The following CSMD1 variants were observed in gnomAD, a reference collection of about 807,000 sequenced individuals.
CSMD1 encodes the protein CUB and sushi domain-containing protein 1.
In CSMD1, 213 loss-of-function variants were observed where a neutral mutation model predicts 417.5. The ratio of observed to expected loss-of-function variants is 0.51; its 90% CI spans 0.46 to 0.57. The LOEUF (loss-of-function observed/expected upper bound fraction) is 0.57. Among genes scored for constraint, CSMD1 ranks in the 20% least tolerant of loss-of-function variants. CSMD1 has a pLI of 0.00. For missense variants in CSMD1, 6,923 were observed against 4,529.7 expected (o/e 1.53, Z -15.17); for synonymous variants, 2,862 against 1,736.8 (o/e 1.65, Z -16.11).
chr8:4,917,381 C>A (rs751284826), intron 1 of CSMD1, among the ~76,000 whole-genome samples: 1 of 152,158 alleles, frequency 6.6e-6, no homozygotes, highest in African/African-American at 2.4e-5. Flanking sequence ...ACGCCTGTAA[C>A]CCCAGCACTT....
At chr8:4,001,935 T>C (rs1409181400) in intron 4 of CSMD1, among the ~76,000 whole-genome samples, 2 of 152,210 alleles carry the variant, frequency 1.3e-5, no homozygotes, top group South Asian at 2.1e-4. Context: ...ATTGCATTTC[T>C]TCAGTAGATA....
At chr8:4,726,997 C>T (rs183179411) in intron 1 of CSMD1, among the ~76,000 whole-genome samples, 295 of 152,162 alleles carry the variant, frequency 1.9e-3, no homozygotes, top group African/African-American at 6.9e-3. Flanking sequence ...AATGAGACCC[C>T]TATATGTCAT....
At chr8:3,453,072 C>T (rs777393444) in intron 12 of CSMD1, among the ~76,000 whole-genome samples, 4 of 152,106 alleles carry the variant, frequency 2.6e-5, no homozygotes, top group Non-Finnish European at 5.9e-5. Context: ...AGGAATTTAT[C>T]CATTTCTTCT....
At chr8:4,327,656 C>T (rs1392432161) in intron 3 of CSMD1, among the ~76,000 whole-genome samples, 1 of 152,162 alleles carries the variant, frequency 6.6e-6, no homozygotes, top group African/African-American at 2.4e-5. Flanking sequence ...CAACAAAAAG[C>T]TCCACGATGC....
At chr8:4,488,227 T>G (rs1801513990) in intron 2 of CSMD1, among the ~76,000 whole-genome samples, 1 of 152,194 alleles carries the variant, frequency 6.6e-6, no homozygotes, top group Admixed American at 6.6e-5. Flanking sequence ...AATGGTATTT[T>G]GTTACAGCAG....
intron 11 of CSMD1, among the ~76,000 whole-genome samples, chr8:3,476,513 C>A (rs191066780): frequency 1.3e-5 from 2 of 152,114 alleles, no homozygotes; most frequent in African/African-American, 2.4e-5. Context: ...AACTACCAAC[C>A]TATCTTCCAG....
At chr8:2,990,552 TA>T (rs1333148361) in intron 54 of CSMD1, among the ~76,000 whole-genome samples, 1 of 152,204 alleles carries the variant, frequency 6.6e-6, no homozygotes, top group African/African-American at 2.4e-5. Context: ...ATCGACTTGC[TA>T]ATTTTCAAGC....
chr8:3,428,052 A>G (rs1813969864), intron 12 of CSMD1, among the ~76,000 whole-genome samples: 1 of 152,258 alleles, frequency 6.6e-6, no homozygotes, highest in African/African-American at 2.4e-5. Context: ...CGTTGCGTCT[A>G]CCATTACTTA....
intron 5 of CSMD1, among the ~76,000 whole-genome samples, chr8:3,929,549 G>A (rs1158096699): frequency 6.6e-6 from 1 of 150,504 alleles, no homozygotes; most frequent in Non-Finnish European, 1.5e-5. Context: ...TGGGTTGTCT[G>A]TCTATTCTGA....
chr8:4,679,625 A>G (rs1428094995), intron 1 of CSMD1, among the ~76,000 whole-genome samples: 1 of 152,168 alleles, frequency 6.6e-6, no homozygotes, highest in African/African-American at 2.4e-5. Flanking sequence ...ATGATAATGT[A>G]TCTACAAAAG....
chr8:2,957,874 C>G (rs1803132510), intron 62 of CSMD1, 67 bp from the exon 63 acceptor site: 1 of 1,078,288 alleles, frequency 9.3e-7, no homozygotes, highest in Non-Finnish European at 1.4e-6. Context: ...CTAGTGATAC[C>G]TGAAAGTACA....
chr8:4,782,535 G>A (rs1409599407), intron 1 of CSMD1, among the ~76,000 whole-genome samples: 2 of 152,094 alleles, frequency 1.3e-5, no homozygotes, highest in Admixed American at 1.3e-4. Flanking sequence ...CCATAAATAT[G>A]CTCTAAGACA....
At chr8:3,640,124 G>C (rs1308372876) in intron 7 of CSMD1, among the ~76,000 whole-genome samples, 1 of 152,076 alleles carries the variant, frequency 6.6e-6, no homozygotes, top group South Asian at 2.1e-4. Context: ...TTTTCCACCT[G>C]TCCCACTTTT....
At chr8:4,009,070 A>AT (rs1221188145) in intron 4 of CSMD1, among the ~76,000 whole-genome samples, 3 of 152,234 alleles carry the variant, frequency 2.0e-5, no homozygotes, top group African/African-American at 7.2e-5. Flanking sequence ...TTATCATAAA[A>AT]TTCTGCATTT....
chr8:4,420,580 A>G (rs940020956), intron 2 of CSMD1, among the ~76,000 whole-genome samples: 1 of 152,130 alleles, frequency 6.6e-6, no homozygotes, highest in Non-Finnish European at 1.5e-5. Flanking sequence ...GAATGTGTGT[A>G]TAAACATTTG....
intron 2 of CSMD1, among the ~76,000 whole-genome samples, chr8:4,551,454 C>T (rs1014166625): frequency 9.9e-5 from 15 of 152,124 alleles, no homozygotes; most frequent in Non-Finnish European, 1.8e-4. Context: ...TCATTCTTCA[C>T]GAAGGATTTG....
At chr8:4,022,133 C>T (rs958478199) in intron 4 of CSMD1, among the ~76,000 whole-genome samples, 32 of 124,746 alleles carry the variant, frequency 2.6e-4, no homozygotes, top group Admixed American at 1.1e-3. Flanking sequence ...TATATATATA[C>T]ATAAATATGT....
chr8:4,293,278 A>T (rs1797473764), intron 3 of CSMD1, among the ~76,000 whole-genome samples: 1 of 152,206 alleles, frequency 6.6e-6, no homozygotes, highest in East Asian at 1.9e-4. Flanking sequence ...GGAAGCTTGA[A>T]GCAGCAAATG....
chr8:3,633,018 G>C (rs1015368287), intron 7 of CSMD1, among the ~76,000 whole-genome samples: 2 of 152,218 alleles, frequency 1.3e-5, no homozygotes, highest in African/African-American at 4.8e-5. Context: ...TCCTCAGTGA[G>C]TGTCCTACTA....
Sources: allele counts gnomAD v4.1 joint callset (sites outside exome capture counted in the v4.1 genomes callset), GRCh38; gene constraint gnomAD v4.1.1; transcripts MANE v1.5; gene names NCBI Gene and HGNC (gene_info 2026-07-23, HGNC 2026-07-21).